GYG1: variants seen among roughly 807,000 people sequenced by gnomAD.
GYG1 encodes glycogenin 1.
Under a neutral mutation model 41.9 loss-of-function variants are expected in GYG1, and 44 were observed. The observed-to-expected ratio is 1.05, with a 90% CI of 0.83 to 1.35. The LOEUF is 1.35. Among genes scored for constraint, GYG1 ranks in the 40% most tolerant of loss-of-function variants. The probability of loss-of-function intolerance (pLI) is 0.00; values close to 1 mark genes in which losing one functional copy is unlikely to be tolerated. For synonymous variants in GYG1, 141 were observed against 158.1 expected (o/e 0.89, Z 0.81); for missense variants, 429 against 418.9 (o/e 1.02, Z -0.21).
chr3:149,021,205 T>G (rs16861300), intron 5 of GYG1, among the ~76,000 whole-genome samples: 4,186 of 152,328 alleles, frequency 0.027, 208 homozygotes, highest in African/African-American at 0.096. Flanking sequence ...TTTATGCAGA[T>G]GACCCATCTT....
Position 149,026,838 on chromosome 3 carries a change from G to A in GYG1, c.958G>A (p.Glu320Lys), listed in dbSNP as rs150523225. 3 of 1,613,982 alleles carry A rather than the reference G, an allele frequency of 1.9e-6. No homozygotes were observed. Among genetic ancestry groups the A allele is most frequent in the Non-Finnish European group, 8.5e-7 (1 of 1,179,872 alleles). The change falls in exon 8 of 8, where the codon GAA becomes AAA. Residue 320 changes from glutamate to lysine, a missense_variant. Coordinates refer to ENST00000345003, the MANE Select transcript of GYG1 (RefSeq NM_004130.4). Reference sequence around the variant, plus strand: ...GGCACAGCCGTTTGTATCCTCGGAAGAACGGAAGGAACGATGGGAACAGGG... The same window carrying A: ...GGCACAGCCGTTTGTATCCTCGGAAAAACGGAAGGAACGATGGGAACAGGG... ...AMAQPFVSSE[E>K]RKERWEQGQA...
At chr3:148,994,377 TG>T (rs1210184183) in intron 2 of GYG1, 100 bp downstream of exon 2, 91 of 1,272,198 alleles carry the variant, frequency 7.2e-5, no homozygotes, top group Non-Finnish European at 1.0e-4. Context: ...TTTCAGGAAT[TG>T]AGCACCGGGT....
intron 4 of GYG1, among the ~76,000 whole-genome samples, chr3:149,002,979 T>A (rs1713178540): frequency 6.6e-6 from 1 of 152,098 alleles, no homozygotes; most frequent in Non-Finnish European, 1.5e-5. Flanking sequence ...GGTACGCCAC[T>A]GCACTCCAGC....
intron 4 of GYG1, among the ~76,000 whole-genome samples, chr3:148,999,445 C>T (rs1431398598): frequency 6.6e-6 from 1 of 152,190 alleles, no homozygotes; most frequent in Non-Finnish European, 1.5e-5. Flanking sequence ...TAGCAGTTCT[C>T]GAATCAAAGG....
intron 5 of GYG1, among the ~76,000 whole-genome samples, chr3:149,012,286 G>GGT (rs1285813380): frequency 6.6e-5 from 10 of 151,114 alleles, no homozygotes; most frequent in Non-Finnish European, 4.5e-5. Flanking sequence ...GAATAACCTT[G>GGT]GTGGTCTCCA....
intron 4 of GYG1, among the ~76,000 whole-genome samples, chr3:149,003,295 T>C (rs974304267): frequency 5.9e-5 from 9 of 152,060 alleles, no homozygotes; most frequent in African/African-American, 2.2e-4. Flanking sequence ...TTTGTGTTTT[T>C]AGTAGAAATG....
intron 5 of GYG1, among the ~76,000 whole-genome samples, chr3:149,016,045 G>A (rs1481999739): frequency 1.3e-5 from 2 of 151,792 alleles, no homozygotes; most frequent in African/African-American, 2.4e-5. Context: ...GGCAGATCAC[G>A]AGGTCAGGAG....
chr3:149,010,403 C>A (rs1397028281), intron 5 of GYG1, among the ~76,000 whole-genome samples: 1 of 150,778 alleles, frequency 6.6e-6, no homozygotes, highest in Non-Finnish European at 1.5e-5. Context: ...TCTTGGCTCA[C>A]TGCAACCTCC....
At chr3:148,997,382 G>GT (rs1553729826) in intron 4 of GYG1, among the ~76,000 whole-genome samples, 1 of 152,086 alleles carries the variant, frequency 6.6e-6, no homozygotes, top group Non-Finnish European at 1.5e-5. Context: ...GAAAGTTTGT[G>GT]TGAATAATCT....
intron 4 of GYG1, chr3:149,008,402 C>G (rs1341904332): frequency 6.6e-6 from 1 of 152,386 alleles, no homozygotes; most frequent in African/African-American, 2.4e-5. Flanking sequence ...GGCCTTCTAT[C>G]CATAGCCTCA....
intron 1 of GYG1, 25 bp downstream of exon 1, chr3:148,991,672 C>T: frequency 6.6e-7 from 1 of 1,513,722 alleles, no homozygotes; most frequent in Admixed American, 2.0e-5. Context: ...CCCGCCGCCG[C>T]CAGCCCCGGG....
intron 4 of GYG1, among the ~76,000 whole-genome samples, chr3:149,000,007 A>G (rs1164840227): frequency 6.6e-6 from 1 of 152,240 alleles, no homozygotes; most frequent in African/African-American, 2.4e-5. Flanking sequence ...CTGACAAGCC[A>G]CACAGGCTGT....
At chr3:149,023,785 G>A (rs1401401717) in intron 5 of GYG1, among the ~76,000 whole-genome samples, 1 of 152,122 alleles carries the variant, frequency 6.6e-6, no homozygotes, top group African/African-American at 2.4e-5. Flanking sequence ...GGGAGTTCAA[G>A]ACCAGGCTGG....
chr3:149,006,609 C>T (rs1713418057), intron 4 of GYG1, among the ~76,000 whole-genome samples: 1 of 152,148 alleles, frequency 6.6e-6, no homozygotes. Context: ...AGAAATATCC[C>T]ACATGGATGT....
chr3:149,010,257 A>G (rs1713642254), intron 5 of GYG1, among the ~76,000 whole-genome samples: 2 of 152,174 alleles, frequency 1.3e-5, no homozygotes, highest in Non-Finnish European at 2.9e-5. Context: ...TAATACATAT[A>G]AAGTGCTCAG....
intron 4 of GYG1, among the ~76,000 whole-genome samples, chr3:149,000,625 G>C (rs1174654280): frequency 6.6e-6 from 1 of 152,202 alleles, no homozygotes; most frequent in African/African-American, 2.4e-5. Flanking sequence ...TAGTTGAAGA[G>C]TTAAGTGCTT....
intron 4 of GYG1, among the ~76,000 whole-genome samples, chr3:149,006,229 C>T (rs1490056135): frequency 6.6e-6 from 1 of 151,966 alleles, no homozygotes; most frequent in Non-Finnish European, 1.5e-5. Context: ...ACTATAGGCG[C>T]GTGCCACCAT....
At chr3:149,002,815 G>A (rs1713171077) in intron 4 of GYG1, among the ~76,000 whole-genome samples, 1 of 152,196 alleles carries the variant, frequency 6.6e-6, no homozygotes, top group African/African-American at 2.4e-5. Flanking sequence ...GAGGTCAGGA[G>A]TTCCAGACCA....
At position 149,029,120 on chromosome 3, in the gene GYG1, T is replaced by C. The variant is rs1714819039; in HGVS notation, c.*2187T>C. 1.3e-5 allele frequency among the ~76,000 whole-genome samples: 2 copies of C among 152,230 alleles called. No individual in the cohort carries two copies. The highest frequency in any genetic ancestry group is 2.9e-5 in the Non-Finnish European group (2 of 68,036). On this transcript the variant is annotated 3_prime_UTR_variant, in exon 8 of 8. Coordinates refer to ENST00000345003, the MANE Select transcript of GYG1 (RefSeq NM_004130.4). Reference sequence around the variant, plus strand: ...CATAGCATATAATGCTGTCAAGTTATTTGGCTAGAAAATCACTGAACTAAA... The same window carrying C: ...CATAGCATATAATGCTGTCAAGTTACTTGGCTAGAAAATCACTGAACTAAA...
Sources: gnomAD v4.1 joint callset for allele counts (sites outside exome capture counted in the v4.1 genomes callset) on GRCh38, gnomAD v4.1.1 for gene constraint, MANE v1.5 for transcripts, NCBI Gene and HGNC (gene_info 2026-07-23, HGNC 2026-07-21) for gene names.